TTN: variants seen among roughly 807,000 people sequenced by gnomAD.
TTN encodes connectin.
In TTN, 1,525 loss-of-function variants were observed where a neutral mutation model predicts 3,223.0. The observed-to-expected ratio is 0.47, with a 90% CI of 0.45 to 0.49. The LOEUF is 0.49. Ranked by LOEUF, TTN falls within the 20% of genes least tolerant of loss-of-function variation. TTN has a pLI of 0.00. For missense variants in TTN, 40,786 were observed against 43,424.0 expected (o/e 0.94, Z 5.40); for synonymous variants, 14,094 against 15,161.0 (o/e 0.93, Z 5.17).
intron 223 of TTN, among the ~76,000 whole-genome samples, chr2:178,638,892 T>A (rs1162890974): frequency 6.6e-6 from 1 of 152,034 alleles, no homozygotes; most frequent in Non-Finnish European, 1.5e-5. Flanking sequence ...ACCCAGATAG[T>A]GAGCCAAAGG....
Position 178,696,417 on chromosome 2 carries a change from AT to A in TTN, c.30803-149del, listed in dbSNP as rs774578106. 2.5e-4 allele frequency: 180 copies of A among 710,138 alleles called. 1 individual carries two copies. The highest frequency in any genetic ancestry group is 4.5e-5 in the Non-Finnish European group (21 of 464,462). The allele number at this position is 710,138 out of a possible 1,614,324, so 44.0% of individuals were successfully genotyped here. A position where few individuals can be genotyped will look rare whatever the true frequency, so the allele number is the denominator to read the frequency against. ...TTTTTTTTGTATTGGTTCCATTTAAATTTTTGACTATGGAACATAGTAGAGT... is the reference window on the plus strand; with the variant it reads ...TTTTTTTTGTATTGGTTCCATTTAAATTTTGACTATGGAACATAGTAGAGT... On this transcript the variant is annotated intron_variant, in intron 113 of 362. Transcript: ENST00000589042.
rs1553503789 is a variant in TTN at position 178,537,196 on chromosome 2, T to C, written c.99913A>G (p.Lys33305Glu). 2 of 1,611,974 alleles carry C rather than the reference T, an allele frequency of 1.2e-6. No homozygotes were observed. Among genetic ancestry groups the C allele is most frequent in the Admixed American group, 1.7e-5 (1 of 59,934 alleles). Residue 33305 changes from lysine to glutamate, a missense_variant, in exon 356 of 363, where the codon AAG becomes GAG. Coordinates refer to ENST00000589042, the MANE Select transcript of TTN (RefSeq NM_001267550.2). ...TTCCAGCTGATCACTGCGGAGTTCT[T>C]CAATAGAGCTTCGATCACAATTGGT... ...TGPIVIEALL[K>E]NSAVISWKPP...
rs368998895 is a variant in TTN, at chr2:178,543,584, G to A, written c.96389C>T (p.Thr32130Met). ...GTTGACTGGAGCTCCACCATCAATC[G>A]TGGGAATTTCCCAAGTTATAGTCAC... ...DSVTITWEIP[T>M]IDGGAPVNNY... The change falls in exon 347 of 363, where the codon ACG (threonine) becomes ATG (methionine). Residue 32130 changes from threonine to methionine, a missense_variant. Physicochemically the swap from Thr to Met is moderately conservative, Grantham distance 81 (BLOSUM62 -1). Coordinates refer to ENST00000589042, the MANE Select transcript of TTN (RefSeq NM_001267550.2). 7.5e-6 allele frequency: 12 copies of A among 1,607,900 alleles called. No homozygotes were observed. The African/African-American group carries it at 1.1e-4, about 14-fold the overall frequency.
chr2:178,607,354 A>G, intron 277 of TTN, 40 bp from the exon 278 acceptor site: 1 of 1,612,616 alleles, frequency 6.2e-7, no homozygotes, highest in South Asian at 1.1e-5. Context: ...GTAATAAGAT[A>G]GTATCACTTG....
Position 178,612,934 on chromosome 2 carries a change from T to G in TTN, c.49787A>C (p.Asp16596Ala), listed in dbSNP as rs1353241545. 1 of 1,612,730 alleles carries G rather than the reference T, an allele frequency of 6.2e-7. No individual in the cohort carries two copies. The highest frequency in any genetic ancestry group is 1.7e-5 in the Admixed American group (1 of 59,926). Residue 16596 changes from aspartate (D) to alanine (A), a missense_variant, in exon 265 of 363, where the codon GAT (aspartate) becomes GCT (alanine). Coordinates refer to ENST00000589042, the MANE Select transcript of TTN (RefSeq NM_001267550.2). The stretch of plus-strand genomic sequence containing the variant: ...CCCTTCCGCCACTCTGACCCACTCA[T>G]CTGTTCCAGTCTTCAGCATTTCAAT... Reference protein sequence around the residue: ...YVIEMLKTGTDEWVRVAEGVP... With the variant: ...YVIEMLKTGTAEWVRVAEGVP...
rs774240012 is a variant in TTN at position 178,588,109 on chromosome 2, C to T, written c.63298G>A (p.Val21100Ile). The T allele has an allele frequency of 1.2e-6, 2 of 1,612,944 alleles. No homozygotes were observed. Among genetic ancestry groups the T allele is most frequent in the South Asian group, 2.2e-5 (2 of 91,030 alleles). Reference sequence around the variant, plus strand: ...GCTATTTTTGGTCTCATTTCCACAACATATCCAATGATCGGTGCACCACCA... The same window carrying T: ...GCTATTTTTGGTCTCATTTCCACAATATATCCAATGATCGGTGCACCACCA... ...YDGGAPIIGY[V>I]VEMRPKIADA... The change falls in exon 305 of 363, where the codon GTT becomes ATT. Residue 21100 changes from valine (V) to isoleucine (I), a missense_variant. Coordinates refer to ENST00000589042, the MANE Select transcript of TTN (RefSeq NM_001267550.2).
At position 178,552,635 on chromosome 2, in the gene TTN, C is replaced by T. The variant is rs377281790; in HGVS notation, c.90265G>A (p.Glu30089Lys). ...GACTGCTCCTTAAGTTGGCTAACCT[C>T]AATTTCACATGTCTTACTTATGCCA... ...HAGISKTCEI[E>K]VSQLKEQSVL... Residue 30089 changes from glutamate (E) to lysine (K), a missense_variant, in exon 335 of 363, where the codon GAG becomes AAG. By Grantham distance (56) the Glu-to-Lys change is moderately conservative. Transcript: ENST00000589042. 3.1e-6 allele frequency: 5 copies of T among 1,613,934 alleles called. No individual in the cohort carries two copies. Among genetic ancestry groups the T allele is most frequent in the South Asian group, 1.1e-5 (1 of 91,084 alleles).
At position 178,677,651 on chromosome 2, in the gene TTN, C is replaced by T. The variant is rs1398085452; in HGVS notation, c.34261G>A (p.Val11421Ile). 1 of 1,611,740 alleles carries T rather than the reference C, an allele frequency of 6.2e-7. No homozygotes were observed. The highest frequency in any genetic ancestry group is 1.7e-5 in the Admixed American group (1 of 59,726). Reference sequence around the variant, plus strand: ...GCAGGTACTGGCACCTTAGGTTTAACTTCTGGAAGGACTTCTTCTTCAGGT... The same window carrying T: ...GCAGGTACTGGCACCTTAGGTTTAATTTCTGGAAGGACTTCTTCTTCAGGT... ...FVPEEEVLPE[V>I]KPKVPVPAPV... Residue 11421 changes from valine (V) to isoleucine (I), a missense_variant, in exon 146 of 363, where the codon GTT becomes ATT. Transcript: ENST00000589042.
intron 9 of TTN, among the ~76,000 whole-genome samples, chr2:178,793,020 T>C (rs76693962): frequency 0.017 from 2,515 of 152,338 alleles, 71 homozygotes; most frequent in African/African-American, 0.057. Flanking sequence ...GTTGCTAAGA[T>C]TTCTAAAGCA....
rs2073049637 is a variant in TTN at position 178,693,824 on chromosome 2, CAG to C, written c.31513+96_31513+97del. On this transcript the variant is annotated intron_variant, in intron 118 of 362. Transcript: ENST00000589042. Reference sequence around the variant, plus strand: ...AAAGATGACAGAATTTACAAGGAGACAGAAATGTCTACACGATCACAAATTAG... The same window carrying C: ...AAAGATGACAGAATTTACAAGGAGACAAATGTCTACACGATCACAAATTAG... 4.8e-6 allele frequency: 6 copies of C among 1,250,338 alleles called. No homozygotes were observed. In the South Asian group the frequency reaches 8.4e-5, roughly 18 times the overall value. The allele number at this position is 1,250,338 out of a possible 1,614,324, so 77.5% of individuals were successfully genotyped here. A position where few individuals can be genotyped will look rare whatever the true frequency, so the allele number is the denominator to read the frequency against.
chr2:178,732,338 G>T lies in TTN; in HGVS notation c.16631C>A (p.Thr5544Lys), dbSNP rs751511581. Residue 5544 changes from threonine to lysine, a missense_variant, in exon 57 of 363, where the codon ACA (threonine) becomes AAA (lysine). Coordinates refer to ENST00000589042, the MANE Select transcript of TTN (RefSeq NM_001267550.2). The part of the protein sequence containing the change: ...SANLFVKEPA[T>K]FVEKLEPSQL... ...TGATGGCTCTAACTTTTCAACAAAT[G>T]TGGCAGGTTCTGTGGAAGGAAGGAA... 6.2e-7 allele frequency: 1 copy of T among 1,600,206 alleles called. No individual in the cohort carries two copies. Among genetic ancestry groups the T allele is most frequent in the Non-Finnish European group, 8.5e-7 (1 of 1,172,198 alleles).
rs199506676 is a variant in TTN at position 178,577,602 on chromosome 2, C to A, written c.68824G>T (p.Glu22942Ter). Residue 22942 changes from glutamate (E) to a stop codon, truncating the protein, a stop_gained and splice_region_variant, in exon 323 of 363, where the codon GAG (glutamate) becomes TAG (stop). Coordinates refer to ENST00000589042, the MANE Select transcript of TTN (RefSeq NM_001267550.2). LOFTEE classifies it high-confidence loss of function. Reference protein sequence around the residue: ...TETIICKDEYEAPTIVLDPTI... With the variant: ...TETIICKDEY Reference sequence around the variant, plus strand: ...TACATAAAAAGTAAAATGGACCTACCGTATTCATCCTTGCAAATAATGGTT... The same window carrying A: ...TACATAAAAAGTAAAATGGACCTACAGTATTCATCCTTGCAAATAATGGTT... The A allele has an allele frequency of 6.3e-7, 1 of 1,589,886 alleles. No individual in the cohort carries two copies. The highest frequency in any genetic ancestry group is 8.6e-7 in the Non-Finnish European group (1 of 1,169,266).
rs144135510 is a variant in TTN, at chr2:178,775,871, C to A, written c.5993G>T (p.Arg1998Leu). ...EKVPEESEEL[R>L]SKFKRRTEEG... ...TTCTGTTCTGCGCTTGAATTTACTG[C>A]GCAGCTCTTCCGACTCTTCAGGCAC... Residue 1998 changes from arginine (R) to leucine (L), a missense_variant, in exon 28 of 363, where the codon CGC becomes CTC. Transcript: ENST00000589042. 4.4e-5 allele frequency: 71 copies of A among 1,614,012 alleles called. No homozygotes were observed. The highest frequency in any genetic ancestry group is 4.8e-5 in the Non-Finnish European group (57 of 1,179,998).
rs1475393277 is a variant in TTN at position 178,556,964 on chromosome 2, A to G, written c.88190T>C (p.Ile29397Thr). The change falls in exon 330 of 363, where the codon ATC (isoleucine) becomes ACC (threonine). Residue 29397 changes from isoleucine (I) to threonine (T), a missense_variant. Ile to Thr is a moderately conservative substitution (Grantham distance 89). Coordinates refer to ENST00000589042, the MANE Select transcript of TTN (RefSeq NM_001267550.2). ...CTGGGAATTCTGAGTCAAGCCAGAGATGATGAATTGAGTTTCAGTAACATT... is the reference window on the plus strand; with the variant it reads ...CTGGGAATTCTGAGTCAAGCCAGAGGTGATGAATTGAGTTTCAGTAACATT... ...FTNVTETQFI[I>T]SGLTQNSQYE... 1 of 1,613,588 alleles carries G rather than the reference A, an allele frequency of 6.2e-7. No individual in the cohort carries two copies. The highest frequency in any genetic ancestry group is 8.5e-7 in the Non-Finnish European group (1 of 1,179,724).
chr2:178,664,282 C>T (rs553529460), intron 168 of TTN, among the ~76,000 whole-genome samples, 178 bp downstream of exon 168: 2 of 151,916 alleles, frequency 1.3e-5, no homozygotes, highest in East Asian at 1.9e-4. Flanking sequence ...TTTTTGGTAG[C>T]CATTTCTTTG....
intron 126 of TTN, 142 bp from the exon 127 acceptor site, chr2:178,688,366 G>C: frequency 1.3e-6 from 1 of 771,432 alleles, no homozygotes; most frequent in East Asian, 2.6e-5. Context: ...TAAGAAGGAG[G>C]AAGCTAATTT....
In TTN at chr2:178,733,393, G is replaced by C. The variant is rs377577863; in HGVS notation, c.15900C>G (p.Pro5300=). Residue 5300 remains proline, a synonymous_variant, in exon 54 of 363, where the codon CCC becomes CCG. Transcript: ENST00000589042. ...TTCGGTATTTTTTACTGGCGACCAA[G>C]GGTCTCCCATCTTTGTACCATTTGG... is the stretch of plus-strand genomic sequence containing the variant. The part of the protein sequence containing the change: ...LKPKWYKDGR[P]LVASKKYRIS... 7.4e-6 allele frequency: 12 copies of C among 1,613,656 alleles called. No individual in the cohort carries two copies. In the African/African-American group the frequency reaches 1.6e-4, roughly 22 times the overall value.
Position 178,544,432 on chromosome 2 carries a change from G to C in TTN, c.95797C>G (p.Pro31933Ala). Residue 31933 changes from proline to alanine, a missense_variant, in exon 345 of 363, where the codon CCC becomes GCC. Coordinates refer to ENST00000589042, the MANE Select transcript of TTN (RefSeq NM_001267550.2). ...KHSISLAWTK[P>A]MYDGGTDIVG... ...ATGTCAGTACCACCATCGTACATGG[G>C]TTTGGTCCATGCCAAACTAATGCTG... 1 of 1,613,738 alleles carries C rather than the reference G, an allele frequency of 6.2e-7. No homozygotes were observed. Among genetic ancestry groups the C allele is most frequent in the Non-Finnish European group, 8.5e-7 (1 of 1,179,702 alleles).
intron 29 of TTN, 106 bp from the exon 30 acceptor site, chr2:178,774,579 A>G (rs1316136893): frequency 9.6e-7 from 1 of 1,046,520 alleles, no homozygotes. Context: ...CCATACTATC[A>G]GGTGTATTCT....
Sources: allele counts gnomAD v4.1 joint callset (sites outside exome capture counted in the v4.1 genomes callset), GRCh38; gene constraint gnomAD v4.1.1; transcripts MANE v1.5; gene names NCBI Gene and HGNC (gene_info 2026-07-23, HGNC 2026-07-21).